BBS9: variants seen among roughly 807,000 people sequenced by gnomAD.
The protein encoded by BBS9 is protein PTHB1.
A neutral mutation model predicts 117.7 loss-of-function variants in BBS9; 89 were observed. The ratio of observed to expected loss-of-function variants is 0.76; its 90% confidence interval spans 0.64 to 0.90. The LOEUF is 0.90. BBS9 is among the 40% of genes least tolerant of loss of function. BBS9 has a pLI of 0.00. For synonymous variants in BBS9, 379 were observed against 370.9 expected, an observed-to-expected ratio of 1.02 and a Z score of -0.25; for missense variants, 982 against 1,042.2, an observed-to-expected ratio of 0.94 and a Z score of 0.80.
intron 20 of BBS9, among the ~76,000 whole-genome samples, chr7:33,507,275 C>T (rs1585058201): frequency 6.6e-6 from 1 of 152,102 alleles, no homozygotes; most frequent in East Asian, 1.9e-4. Context: ...GAGTCTTGCT[C>T]TGTTGCCCAG....
At chr7:33,484,041 G>A (rs1350181858) in intron 19 of BBS9, among the ~76,000 whole-genome samples, 1 of 152,172 alleles carries the variant, frequency 6.6e-6, no homozygotes, top group Non-Finnish European at 1.5e-5. Flanking sequence ...TTTGGTATTA[G>A]TATTAAGGCA....
In BBS9 at chr7:33,605,184, T is replaced by C. The variant is rs777174661; in HGVS notation, c.2633-11T>C. On this transcript the variant is annotated splice_polypyrimidine_tract_variant and intron_variant, in intron 22 of 22. Coordinates refer to ENST00000242067, the MANE Select transcript of BBS9 (RefSeq NM_198428.3). ...TTCTCTCTCTTTCTCTCTTACTCTC[T>C]TTTTTTCCAGAAGTTTCACCCCTCC... The C allele has an allele frequency of 6.2e-7, 1 of 1,606,358 alleles. No individual in the cohort carries two copies. The highest frequency in any genetic ancestry group is 8.5e-7 in the Non-Finnish European group (1 of 1,173,000).
chr7:33,356,729 C>T (rs574188688), intron 15 of BBS9, among the ~76,000 whole-genome samples: 2 of 151,912 alleles, frequency 1.3e-5, no homozygotes, highest in South Asian at 2.1e-4. Flanking sequence ...ACATACAATT[C>T]CAATTGACTT....
chr7:33,542,731 GTATA>G (rs1222092335), intron 21 of BBS9, among the ~76,000 whole-genome samples: 1 of 144,172 alleles, frequency 6.9e-6, no homozygotes, highest in African/African-American at 2.7e-5. Flanking sequence ...GTGTGTGTGT[GTATA>G]TGTGTGTGTA....
Position 33,565,660 on chromosome 7 carries a change from T to C in BBS9, c.2521+31484T>C, listed in dbSNP as rs574302146. Among the ~76,000 whole-genome samples the C allele has an allele frequency of 4.8e-4, 73 of 151,266 alleles. 1 individual carries two copies. Among genetic ancestry groups the C allele is most frequent in the Non-Finnish European group, 6.9e-4 (47 of 67,740 alleles). On this transcript the variant is annotated intron_variant, in intron 21 of 22. Transcript: ENST00000242067. ...CCAGTGAATGTGAAAGACAGGCATGTCATCACTTAAGTTTTAACAGTCTAT... is the reference window on the plus strand; with the variant it reads ...CCAGTGAATGTGAAAGACAGGCATGCCATCACTTAAGTTTTAACAGTCTAT...
At position 33,193,421 on chromosome 7, in the gene BBS9, C is replaced by CGTTTTTTTTT. The variant is rs1562773513; in HGVS notation, c.442+15830_442+15831insGTTTTTTTTT. Among the ~76,000 whole-genome samples the CGTTTTTTTTT allele has an allele frequency of 4.4e-5, 3 of 67,792 alleles. 1 individual carries two copies. Among genetic ancestry groups the CGTTTTTTTTT allele is most frequent in the Admixed American group, 1.6e-4 (1 of 6,192 alleles). 44.5% of individuals were successfully genotyped at this position (67,792 alleles called of 152,430 possible). ...TTGTCTTCCCCTGTCCCTCTCTCTG[C>CGTTTTTTTTT]CTTTTTTTTTTTTTTTTTTTGTAGT... On this transcript the variant is annotated intron_variant, in intron 5 of 22. Coordinates refer to ENST00000242067, the MANE Select transcript of BBS9 (RefSeq NM_198428.3).
intron 19 of BBS9, among the ~76,000 whole-genome samples, chr7:33,419,022 G>C (rs1172661060): frequency 6.6e-6 from 1 of 151,910 alleles, no homozygotes; most frequent in Non-Finnish European, 1.5e-5. Context: ...TATGCAATTG[G>C]GTAGTATTAA....
chr7:33,472,079 C>A (rs541180953), intron 19 of BBS9, among the ~76,000 whole-genome samples: 13 of 152,206 alleles, frequency 8.5e-5, no homozygotes, highest in Non-Finnish European at 1.8e-4. Context: ...AACATTTATT[C>A]ATCTAATCTT....
intron 9 of BBS9, among the ~76,000 whole-genome samples, chr7:33,330,069 A>G (rs1813704397): frequency 1.3e-5 from 2 of 151,772 alleles, no homozygotes; most frequent in Admixed American, 6.6e-5. Flanking sequence ...GCTGGAGTGC[A>G]GTGGCATGAT....
At chr7:33,553,330 T>C (rs1854754219) in intron 21 of BBS9, among the ~76,000 whole-genome samples, 1 of 152,232 alleles carries the variant, frequency 6.6e-6, no homozygotes, top group South Asian at 2.1e-4. Flanking sequence ...TGGTATAGCT[T>C]AGTGTCTGCC....
In BBS9 at chr7:33,491,260, C is replaced by T. The variant is rs143178484; in HGVS notation, c.2116-14203C>T. On this transcript the variant is annotated intron_variant, in intron 19 of 22. Transcript: ENST00000242067. ...ATTCTAAGACATTAATTTTAGAGCA[C>T]ACTATTGATTAGATAACTTTTGAGG... Among the ~76,000 whole-genome samples the T allele has an allele frequency of 4.7e-3, 709 of 152,252 alleles. 6 individuals carry two copies. Among genetic ancestry groups the T allele is most frequent in the African/African-American group, 0.016 (674 of 41,550 alleles).
At chr7:33,501,251 C>G (rs1845401959) in intron 19 of BBS9, among the ~76,000 whole-genome samples, 2 of 152,134 alleles carry the variant, frequency 1.3e-5, no homozygotes, top group African/African-American at 4.8e-5. Flanking sequence ...TATGTTAATT[C>G]TGTTAAATTC....
intron 9 of BBS9, among the ~76,000 whole-genome samples, chr7:33,306,303 T>C (rs529152484): frequency 1.3e-5 from 2 of 152,190 alleles, no homozygotes; most frequent in East Asian, 3.9e-4. Context: ...ACTTGTTTTG[T>C]GACTTAACAT....
chr7:33,597,515 AC>A (rs1370395828), intron 21 of BBS9, among the ~76,000 whole-genome samples: 37 of 152,142 alleles, frequency 2.4e-4, no homozygotes, highest in African/African-American at 7.7e-4. Flanking sequence ...CTCATCCAAT[AC>A]CCAGTTTATT....
chr7:33,208,964 C>T (rs1787493278), intron 5 of BBS9, among the ~76,000 whole-genome samples: 1 of 152,126 alleles, frequency 6.6e-6, no homozygotes, highest in Admixed American at 6.5e-5. Context: ...TCCAATTAGA[C>T]TCTTTTAGTT....
intron 5 of BBS9, among the ~76,000 whole-genome samples, chr7:33,183,913 G>C (rs1235967318): frequency 2.0e-5 from 3 of 152,026 alleles, no homozygotes; most frequent in Non-Finnish European, 4.4e-5. Flanking sequence ...AAGCCCATGT[G>C]TCCTAAGCCC....
Position 33,383,709 on chromosome 7 carries a change from C to A in BBS9, c.1833C>A (p.Leu611=). Residue 611 remains leucine, a synonymous_variant, in exon 18 of 23, where the codon CTC becomes CTA. Coordinates refer to ENST00000242067, the MANE Select transcript of BBS9 (RefSeq NM_198428.3). ...IQSEQFEDLW[L]ITNELILRLQ... is the part of the protein sequence containing the mutation. ...GTGAACAATTTGAAGATCTTTGGCT[C>A]ATAACCAATGAGCTTATTCTTCGCC... The A allele has an allele frequency of 6.2e-7, 1 of 1,610,930 alleles. No individual in the cohort carries two copies.
chr7:33,142,776 A>G (rs1791701899), intron 1 of BBS9, among the ~76,000 whole-genome samples: 1 of 152,188 alleles, frequency 6.6e-6, no homozygotes, highest in Non-Finnish European at 1.5e-5. Flanking sequence ...AAGGCTGCAT[A>G]ATATTCCATT....
chr7:33,542,919 C>T (rs920696840), intron 21 of BBS9, among the ~76,000 whole-genome samples: 3 of 151,772 alleles, frequency 2.0e-5, no homozygotes, highest in Admixed American at 1.3e-4. Flanking sequence ...CTGCTATAAA[C>T]ATGCATGTGC....
Sources: allele counts gnomAD v4.1 joint callset (sites outside exome capture counted in the v4.1 genomes callset), GRCh38; gene constraint gnomAD v4.1.1; transcripts MANE v1.5; gene names NCBI Gene and HGNC (gene_info 2026-07-23, HGNC 2026-07-21).